The following GRAMD2B variants were observed in gnomAD, a reference collection of about 807,000 sequenced individuals.
GRAMD2B encodes the protein GRAM domain-containing protein 2B.
In GRAMD2B, 41 loss-of-function variants were observed where a neutral mutation model predicts 59.2. The observed-to-expected ratio is 0.69, with a 90% CI of 0.54 to 0.90. The LOEUF is 0.90. Among genes scored for constraint, GRAMD2B ranks in the 40% least tolerant of loss-of-function variants. The pLI is 0.00. For missense variants in GRAMD2B, 424 were observed against 500.5 expected, an observed-to-expected ratio of 0.85 and a Z score of 1.46; for synonymous variants, 161 against 182.7, an observed-to-expected ratio of 0.88 and a Z score of 0.96.
chr5:126,436,566 C>T (rs1314940081), intron 1 of GRAMD2B, among the ~76,000 whole-genome samples: 1 of 152,140 alleles, frequency 6.6e-6, no homozygotes, highest in African/African-American at 2.4e-5. Context: ...GTGGGAGGAT[C>T]GCTTGAGCCT....
At chr5:126,404,300 A>G (rs1330646353) in intron 1 of GRAMD2B, among the ~76,000 whole-genome samples, 1 of 151,890 alleles carries the variant, frequency 6.6e-6, no homozygotes, top group South Asian at 2.1e-4. Flanking sequence ...GGTAGCTAGT[A>G]GAGGGAGTTA....
chr5:126,473,762 A>G (rs1362230255), intron 5 of GRAMD2B, among the ~76,000 whole-genome samples: 1 of 152,198 alleles, frequency 6.6e-6, no homozygotes, highest in East Asian at 1.9e-4. Context: ...ATCAATTTTT[A>G]TACCATATTT....
chr5:126,476,110 A>G (rs1413668256), intron 5 of GRAMD2B, among the ~76,000 whole-genome samples: 3 of 151,960 alleles, frequency 2.0e-5, no homozygotes, highest in Non-Finnish European at 4.4e-5. Context: ...CTCCATCTCA[A>G]AAAAAGAAAA....
At chr5:126,371,980 C>T (rs1024329243) in intron 1 of GRAMD2B, among the ~76,000 whole-genome samples, 9 of 151,880 alleles carry the variant, frequency 5.9e-5, no homozygotes, top group Non-Finnish European at 1.2e-4. Context: ...AAGATAATTG[C>T]CTTCTTTTTG....
intron 1 of GRAMD2B, among the ~76,000 whole-genome samples, chr5:126,407,213 G>A (rs931633793): frequency 6.6e-6 from 1 of 152,012 alleles, no homozygotes; most frequent in Non-Finnish European, 1.5e-5. Flanking sequence ...TAGGTGCCTA[G>A]TCTAAACAAC....
At chr5:126,404,068 C>T (rs1758053508) in intron 1 of GRAMD2B, among the ~76,000 whole-genome samples, 1 of 151,806 alleles carries the variant, frequency 6.6e-6, no homozygotes, top group Admixed American at 6.6e-5. Context: ...TTCTACATAC[C>T]ATACTTTTGA....
At chr5:126,382,977 C>T (rs1250966480) in intron 1 of GRAMD2B, among the ~76,000 whole-genome samples, 1 of 152,094 alleles carries the variant, frequency 6.6e-6, no homozygotes. Context: ...CGGATGTAGC[C>T]ACTCAGCAGA....
At chr5:126,430,178 G>A (rs537315188) in intron 1 of GRAMD2B, among the ~76,000 whole-genome samples, 5 of 152,240 alleles carry the variant, frequency 3.3e-5, no homozygotes, top group South Asian at 4.1e-4. Flanking sequence ...TGTTTTATCC[G>A]AAGTTTGATT....
chr5:126,415,986 A>G (rs1001033664), intron 1 of GRAMD2B, among the ~76,000 whole-genome samples: 9 of 152,242 alleles, frequency 5.9e-5, no homozygotes, highest in African/African-American at 2.2e-4. Flanking sequence ...AAAACATTTC[A>G]CACGAAGAAA....
intron 1 of GRAMD2B, among the ~76,000 whole-genome samples, chr5:126,391,935 T>A (rs980841261): frequency 6.6e-6 from 1 of 152,210 alleles, no homozygotes; most frequent in African/African-American, 2.4e-5. Flanking sequence ...TATTATTTTT[T>A]AAAAGGTAAG....
chr5:126,443,867 T>A (rs890203402), intron 1 of GRAMD2B, among the ~76,000 whole-genome samples: 6 of 152,110 alleles, frequency 3.9e-5, no homozygotes, highest in Admixed American at 2.0e-4. Context: ...CTGGCCAACA[T>A]AGTGAAACGC....
At chr5:126,437,097 C>T (rs1762537621) in intron 1 of GRAMD2B, among the ~76,000 whole-genome samples, 1 of 152,176 alleles carries the variant, frequency 6.6e-6, no homozygotes, top group Non-Finnish European at 1.5e-5. Context: ...ACAGGGGCCA[C>T]TGACAGGGTT....
Position 126,452,707 on chromosome 5 carries a change from C to T in GRAMD2B, c.84-12719C>T, listed in dbSNP as rs566669733. ...ATATAAGTCAGTTCTTTCCTTTCTC[C>T]TCCTTTGTATACTAGTAGTAGAACC... is the stretch of plus-strand genomic sequence containing the variant. On this transcript the variant is annotated intron_variant, in intron 1 of 13. Transcript: ENST00000285689. Among the ~76,000 whole-genome samples the T allele has an allele frequency of 9.9e-5, 15 of 152,246 alleles. No homozygotes were observed. The South Asian group carries it at 3.1e-3, about 32-fold the overall frequency.
chr5:126,480,379 A>G (rs1404240952), intron 6 of GRAMD2B, 77 bp from the exon 7 acceptor site: 1 of 1,009,660 alleles, frequency 9.9e-7, no homozygotes, highest in Non-Finnish European at 1.5e-6. Context: ...AGCTGTATAC[A>G]GATACTTTTC....
intron 1 of GRAMD2B, chr5:126,465,038 G>C: frequency 2.3e-5 from 23 of 1,018,226 alleles, no homozygotes; most frequent in Non-Finnish European, 2.7e-5. Flanking sequence ...GTTCCCAGCA[G>C]GAAGGCTCAC....
intron 1 of GRAMD2B, among the ~76,000 whole-genome samples, chr5:126,443,166 G>T (rs1763594514): frequency 1.3e-5 from 2 of 152,148 alleles, no homozygotes; most frequent in South Asian, 4.1e-4. Flanking sequence ...CAGCTCAGTA[G>T]TCCCAAGATT....
intron 1 of GRAMD2B, among the ~76,000 whole-genome samples, chr5:126,399,563 AG>A (rs1757649892): frequency 6.6e-6 from 1 of 152,156 alleles, no homozygotes; most frequent in Non-Finnish European, 1.5e-5. Context: ...CATGATTGTA[AG>A]TTGCCTGAGG....
chr5:126,423,730 G>C (rs773358736), intron 1 of GRAMD2B, 41 bp downstream of exon 1: 2 of 1,562,638 alleles, frequency 1.3e-6, no homozygotes, highest in East Asian at 4.7e-5. Flanking sequence ...GAGGTGGGAG[G>C]AGCGCAGCCT....
chr5:126,368,922 G>A (rs1034293222), upstream of GRAMD2B, among the ~76,000 whole-genome samples: 5 of 152,172 alleles, frequency 3.3e-5, no homozygotes, highest in African/African-American at 9.7e-5. Flanking sequence ...TGCTTCCAAA[G>A]CATCGTGCAT....
Sources: gnomAD v4.1 joint callset for allele counts (sites outside exome capture counted in the v4.1 genomes callset) on GRCh38, gnomAD v4.1.1 for gene constraint, MANE v1.5 for transcripts, NCBI Gene and HGNC (gene_info 2026-07-23, HGNC 2026-07-21) for gene names.